The following VPS41 variants were observed in gnomAD, a reference collection of about 807,000 sequenced individuals.
The protein encoded by VPS41 is vacuolar protein sorting-associated protein 41 homolog.
Under a neutral mutation model 130.9 loss-of-function variants are expected in VPS41, and 85 were observed. The observed-to-expected ratio is 0.65, with a 90% CI of 0.55 to 0.78. The LOEUF (loss-of-function observed/expected upper bound fraction) is 0.78, where lower values mean the gene tolerates loss of function less well. VPS41 is among the 30% of genes least tolerant of loss of function. VPS41 has a pLI of 0.00. For missense variants in VPS41, 874 were observed against 1,018.7 expected (o/e 0.86, Z 1.93); for synonymous variants, 335 against 332.9 (o/e 1.01, Z -0.07).
chr7:38,889,754 GGAGAA>G (rs1786821029), intron 2 of VPS41, among the ~76,000 whole-genome samples: 2 of 152,186 alleles, frequency 1.3e-5, no homozygotes, highest in East Asian at 1.9e-4. Context: ...ACTTCAAAAA[GGAGAA>G]GAGAACACAG....
intron 25 of VPS41, 97 bp from the exon 26 acceptor site, chr7:38,728,888 T>A: frequency 9.3e-7 from 1 of 1,073,672 alleles, no homozygotes; most frequent in Non-Finnish European, 1.4e-6. Flanking sequence ...CTGGCATGCT[T>A]GAAATACTCA....
chr7:38,839,825 C>A (rs1384204120), intron 4 of VPS41, among the ~76,000 whole-genome samples: 1 of 152,238 alleles, frequency 6.6e-6, no homozygotes, highest in East Asian at 1.9e-4. Flanking sequence ...CAGCACTAAA[C>A]CCTTCTTTGA....
At chr7:38,729,293 CT>C (rs1384683183) in intron 25 of VPS41, among the ~76,000 whole-genome samples, 2 of 152,148 alleles carry the variant, frequency 1.3e-5, no homozygotes, top group African/African-American at 4.8e-5. Context: ...GTATAGGGTA[CT>C]GGGTATAGAT....
At chr7:38,738,732 T>C (rs1170378032) in intron 25 of VPS41, among the ~76,000 whole-genome samples, 1 of 152,228 alleles carries the variant, frequency 6.6e-6, no homozygotes, top group Admixed American at 6.5e-5. Context: ...TTAAAGCTTA[T>C]GAAGTGCAAT....
rs747445860 is a variant in VPS41 at position 38,776,726 on chromosome 7, C to A, written c.835G>T (p.Asp279Tyr). 1 of 1,612,478 alleles carries A rather than the reference C, an allele frequency of 6.2e-7. No homozygotes were observed. The highest frequency in any genetic ancestry group is 8.5e-7 in the Non-Finnish European group (1 of 1,178,804). The change falls in exon 11 of 29, where the codon GAT (aspartate) becomes TAT (tyrosine). Residue 279 changes from aspartate to tyrosine, a missense_variant. Physicochemically the swap from Asp to Tyr is radical, Grantham distance 160. Coordinates refer to ENST00000310301, the MANE Select transcript of VPS41 (RefSeq NM_014396.4). ...ACATACGAAAGTACAACAAGCTGAT[C>A]ACAGAGAGGTGCAAGTCCACTGATG... ...FYISGLAPLC[D>Y]QLVVLSYVKE...
chr7:38,893,684 C>T (rs2116423860), intron 2 of VPS41, among the ~76,000 whole-genome samples: 1 of 152,290 alleles, frequency 6.6e-6, no homozygotes, highest in South Asian at 2.1e-4. Context: ...ATGCAGGACC[C>T]TTAACTATGT....
intron 3 of VPS41, among the ~76,000 whole-genome samples, chr7:38,864,185 A>T (rs1786179084): frequency 1.3e-5 from 2 of 152,186 alleles, no homozygotes; most frequent in Admixed American, 1.3e-4. Flanking sequence ...GGGAGAAGGG[A>T]GCTTGGATCT....
At chr7:38,814,125 T>A (rs1784993765) in intron 7 of VPS41, among the ~76,000 whole-genome samples, 1 of 152,226 alleles carries the variant, frequency 6.6e-6, no homozygotes, top group South Asian at 2.1e-4. Context: ...ATGGATCTAC[T>A]CAATGGACTC....
intron 10 of VPS41, among the ~76,000 whole-genome samples, chr7:38,788,840 C>G (rs1784485110): frequency 6.6e-6 from 1 of 151,984 alleles, no homozygotes; most frequent in Non-Finnish European, 1.5e-5. Context: ...ACAAAATAGC[C>G]CAGATTTAAA....
intron 13 of VPS41, among the ~76,000 whole-genome samples, chr7:38,771,850 G>C (rs1218020874): frequency 1.3e-5 from 2 of 151,904 alleles, no homozygotes; most frequent in Admixed American, 1.3e-4. Flanking sequence ...ACTGGGTTAT[G>C]AACTAGGTAT....
chr7:38,755,363 C>A lies in VPS41; in HGVS notation c.1696-427G>T, dbSNP rs545331775. On this transcript the variant is annotated intron_variant, in intron 19 of 28. Transcript: ENST00000310301. ...CTCGACCTAGTCTCCCTATGAGACTCCACAGACAGAAGGAGCTGGTTTTAT... is the reference window on the plus strand; with the variant it reads ...CTCGACCTAGTCTCCCTATGAGACTACACAGACAGAAGGAGCTGGTTTTAT... 5.3e-4 allele frequency among the ~76,000 whole-genome samples: 81 copies of A among 152,306 alleles called. No individual in the cohort carries two copies. The Middle Eastern group carries it at 0.01, about 19-fold the overall frequency.
intron 25 of VPS41, 132 bp downstream of exon 25, chr7:38,741,853 A>G (rs896633267): frequency 7.9e-6 from 8 of 1,009,016 alleles, no homozygotes; most frequent in Non-Finnish European, 1.2e-5. Flanking sequence ...TTTTCTAAAT[A>G]TCTGGGCCTA....
chr7:38,727,601 T>A (rs373562978), intron 27 of VPS41, among the ~76,000 whole-genome samples: 1 of 152,208 alleles, frequency 6.6e-6, no homozygotes, highest in Non-Finnish European at 1.5e-5. Flanking sequence ...TGAAATGCTA[T>A]GGAAGCTCAC....
At chr7:38,733,001 T>C (rs1285657558) in intron 25 of VPS41, among the ~76,000 whole-genome samples, 1 of 152,150 alleles carries the variant, frequency 6.6e-6, no homozygotes, top group African/African-American at 2.4e-5. Context: ...CTAATTTATG[T>C]ATTTTTAGTA....
At chr7:38,873,454 A>G (rs1305735133) in intron 2 of VPS41, among the ~76,000 whole-genome samples, 1 of 133,730 alleles carries the variant, frequency 7.5e-6, no homozygotes, top group African/African-American at 3.4e-5. Flanking sequence ...TAATAATAAT[A>G]GAAAAAAGGT....
intron 25 of VPS41, among the ~76,000 whole-genome samples, chr7:38,737,305 G>A (rs1440017225): frequency 3.9e-5 from 6 of 152,088 alleles, no homozygotes; most frequent in African/African-American, 1.4e-4. Flanking sequence ...TAGAGAGGTG[G>A]AGTTTGCAGT....
chr7:38,729,841 T>C (rs1044936135), intron 25 of VPS41, among the ~76,000 whole-genome samples: 1 of 152,156 alleles, frequency 6.6e-6, no homozygotes, highest in Non-Finnish European at 1.5e-5. Flanking sequence ...GCTCCCACCC[T>C]TTGCTGGGTT....
At chr7:38,783,616 A>G (rs1784391050) in intron 10 of VPS41, among the ~76,000 whole-genome samples, 1 of 152,182 alleles carries the variant, frequency 6.6e-6, no homozygotes, top group Non-Finnish European at 1.5e-5. Context: ...GCACAGCGCA[A>G]GAAAATTTAG....
At chr7:38,888,338 A>C (rs1224195242) in intron 2 of VPS41, among the ~76,000 whole-genome samples, 2 of 152,234 alleles carry the variant, frequency 1.3e-5, no homozygotes, top group African/African-American at 4.8e-5. Flanking sequence ...AAGATGTAGA[A>C]AGCAAATGAA....
Sources: allele counts gnomAD v4.1 joint callset (sites outside exome capture counted in the v4.1 genomes callset), GRCh38; gene constraint gnomAD v4.1.1; transcripts MANE v1.5; gene names NCBI Gene and HGNC (gene_info 2026-07-23, HGNC 2026-07-21).